NIBAN1: variants seen among roughly 807,000 people sequenced by gnomAD.
NIBAN1 encodes niban apoptosis regulator 1, also known as protein Niban 1.
A neutral mutation model predicts 75.1 loss-of-function variants in NIBAN1; 81 were observed. The ratio of observed to expected loss-of-function variants is 1.08; its 90% CI spans 0.90 to 1.30. The LOEUF is 1.30. NIBAN1 is among the 50% of genes most tolerant of loss of function. The pLI is 0.00. For synonymous variants in NIBAN1, 436 were observed against 424.8 expected (o/e 1.03, Z -0.32); for missense variants, 1,133 against 1,128.1 (o/e 1.00, Z -0.06).
chr1:184,895,937 C>T (rs1418977417), intron 2 of NIBAN1, among the ~76,000 whole-genome samples: 1 of 151,916 alleles, frequency 6.6e-6, no homozygotes, highest in Non-Finnish European at 1.5e-5. Flanking sequence ...GTATATATAC[C>T]ACATTTTTTT....
At chr1:184,905,985 C>G (rs541808108) in intron 1 of NIBAN1, among the ~76,000 whole-genome samples, 20 of 152,182 alleles carry the variant, frequency 1.3e-4, no homozygotes, top group African/African-American at 4.1e-4. Flanking sequence ...TGCCTGTAAT[C>G]CCAGCACTTG....
intron 1 of NIBAN1, among the ~76,000 whole-genome samples, chr1:184,936,299 C>G (rs190430239): frequency 5.9e-5 from 9 of 152,260 alleles, no homozygotes; most frequent in African/African-American, 2.2e-4. Context: ...CAGCAGCAGA[C>G]AGTCTCCCAG....
Position 184,929,295 on chromosome 1 carries a change from G to A in NIBAN1, c.56-29986C>T, listed in dbSNP as rs185491290. 1.8e-4 allele frequency among the ~76,000 whole-genome samples: 28 copies of A among 152,044 alleles called. No individual in the cohort carries two copies. In the East Asian group the frequency reaches 2.5e-3, roughly 14 times the overall value. ...GAGTAAAATTCAATGAGTTTGACAC[G>A]TATTTATAATTGTACAACTACCACA... is the stretch of plus-strand genomic sequence containing the variant. On this transcript the variant is annotated intron_variant, in intron 1 of 13. Coordinates refer to ENST00000367511, the MANE Select transcript of NIBAN1 (RefSeq NM_052966.4).
chr1:184,877,915 T>G (rs901131985), intron 5 of NIBAN1, among the ~76,000 whole-genome samples: 4 of 152,162 alleles, frequency 2.6e-5, no homozygotes, highest in African/African-American at 9.7e-5. Context: ...AAAACAATTT[T>G]TTTTTTTTGC....
chr1:184,805,937 C>T lies in NIBAN1; in HGVS notation c.1446+9G>A, dbSNP rs749963675. 8.1e-6 allele frequency: 13 copies of T among 1,606,520 alleles called. No homozygotes were observed. The highest frequency in any genetic ancestry group is 6.6e-5 in the South Asian group (6 of 90,942). On this transcript the variant is annotated intron_variant, in intron 11 of 13. Transcript: ENST00000367511. ...TTTATGCTTCCCACAAACAAGAGAACGGTTTTACCTTTAAGACTCGGAGTT... is the reference window on the plus strand; with the variant it reads ...TTTATGCTTCCCACAAACAAGAGAATGGTTTTACCTTTAAGACTCGGAGTT...
rs149929274 is a variant in NIBAN1, at chr1:184,823,037, G to A, written c.985+130C>T. The A allele has an allele frequency of 9.3e-4, 986 of 1,065,060 alleles. 8 individuals carry two copies. In the African/African-American group the frequency reaches 0.014, roughly 16 times the overall value. 66.0% of individuals were successfully genotyped at this position (1,065,060 alleles called of 1,614,324 possible). A position where few individuals can be genotyped will look rare whatever the true frequency, so the allele number is the denominator to read the frequency against. On this transcript the variant is annotated intron_variant, in intron 8 of 13. Coordinates refer to ENST00000367511, the MANE Select transcript of NIBAN1 (RefSeq NM_052966.4). ...ATGGTACCTCCAGCATGTTCCTGTT[G>A]CAGCTGTGATCACCTCCTCCCAATT...
intron 1 of NIBAN1, among the ~76,000 whole-genome samples, chr1:184,915,503 G>T (rs1657361652): frequency 6.6e-6 from 1 of 152,182 alleles, no homozygotes; most frequent in African/African-American, 2.4e-5. Flanking sequence ...AGTACTTCTG[G>T]GGTGATGGGG....
At chr1:184,820,950 T>C (rs1456807193) in intron 8 of NIBAN1, among the ~76,000 whole-genome samples, 1 of 152,236 alleles carries the variant, frequency 6.6e-6, no homozygotes, top group Admixed American at 6.5e-5. Flanking sequence ...TATCGTTTTT[T>C]CCAGTCCCCC....
At chr1:184,808,008 G>T in intron 10 of NIBAN1, 66 bp downstream of exon 10, 1 of 1,581,722 alleles carries the variant, frequency 6.3e-7, no homozygotes, top group Non-Finnish European at 8.7e-7. Flanking sequence ...TGGTCTCACT[G>T]GCCAGCACCC....
rs1177090448 is a variant in NIBAN1 at position 184,792,218 on chromosome 1, G to A, written c.*2759C>T. The A allele has an allele frequency of 1.3e-5, 2 of 152,142 alleles. No individual in the cohort carries two copies. The highest frequency in any genetic ancestry group is 4.8e-5 in the African/African-American group (2 of 41,408). 9.4% of individuals were successfully genotyped at this position (152,142 alleles called of 1,614,324 possible). A position where few individuals can be genotyped will look rare whatever the true frequency, so the allele number is the denominator to read the frequency against. On this transcript the variant is annotated 3_prime_UTR_variant, in exon 14 of 14. Coordinates refer to ENST00000367511, the MANE Select transcript of NIBAN1 (RefSeq NM_052966.4). ...AGCCTCCCAAAGTGCTGGGATTATAGGTGTAAGCTACCACATCCAGCCCAA... is the reference window on the plus strand; with the variant it reads ...AGCCTCCCAAAGTGCTGGGATTATAAGTGTAAGCTACCACATCCAGCCCAA...
At chr1:184,880,870 A>T (rs906719854) in intron 5 of NIBAN1, among the ~76,000 whole-genome samples, 15 of 152,294 alleles carry the variant, frequency 9.8e-5, no homozygotes, top group African/African-American at 3.4e-4. Context: ...TCAGAACCAC[A>T]GCCTTCCCTG....
At chr1:184,959,885 C>T (rs1658584991) in intron 1 of NIBAN1, among the ~76,000 whole-genome samples, 1 of 152,204 alleles carries the variant, frequency 6.6e-6, no homozygotes, top group Non-Finnish European at 1.5e-5. Flanking sequence ...AAATCAGAGA[C>T]ACATGATCTT....
chr1:184,952,773 A>G (rs984615726), intron 1 of NIBAN1, among the ~76,000 whole-genome samples: 14 of 152,202 alleles, frequency 9.2e-5, no homozygotes, highest in African/African-American at 3.1e-4. Context: ...CAATCAATTA[A>G]ACAACTTGTT....
intron 12 of NIBAN1, among the ~76,000 whole-genome samples, chr1:184,800,168 G>A (rs1218667686): frequency 4.8e-4 from 72 of 151,498 alleles, no homozygotes; most frequent in African/African-American, 1.6e-3. Context: ...GTCTTCTTTT[G>A]AGAAGTGTCT....
Position 184,816,355 on chromosome 1 carries a change from A to C in NIBAN1, c.1173+2283T>G, listed in dbSNP as rs115657025. 3.0e-3 allele frequency among the ~76,000 whole-genome samples: 451 copies of C among 152,324 alleles called. 4 individuals are homozygous for C. In the East Asian group the frequency reaches 0.038, roughly 13 times the overall value. Reference sequence around the variant, plus strand: ...TGACAAAAGCTGAAAGAAACATGTGACCATGAGGACTCCATAACCTATATG... The same window carrying C: ...TGACAAAAGCTGAAAGAAACATGTGCCCATGAGGACTCCATAACCTATATG... On this transcript the variant is annotated intron_variant, in intron 9 of 13. Transcript: ENST00000367511.
intron 1 of NIBAN1, among the ~76,000 whole-genome samples, chr1:184,918,478 C>T (rs1473032764): frequency 6.6e-6 from 1 of 152,204 alleles, no homozygotes; most frequent in Non-Finnish European, 1.5e-5. Flanking sequence ...TCCAGCTTCT[C>T]CTCTATCCAC....
intron 4 of NIBAN1, among the ~76,000 whole-genome samples, chr1:184,885,611 A>G (rs1656505477): frequency 6.6e-6 from 1 of 152,132 alleles, no homozygotes; most frequent in South Asian, 2.1e-4. Context: ...CAGCTCCAAC[A>G]GGGCAGCTCT....
rs1344353926 is a variant in NIBAN1 at position 184,974,291 on chromosome 1, G to T, written c.55+11C>A. The T allele has an allele frequency of 1.3e-6, 2 of 1,554,790 alleles. No individual in the cohort carries two copies. Among genetic ancestry groups the T allele is most frequent in the East Asian group, 2.4e-5 (1 of 41,294 alleles). On this transcript the variant is annotated intron_variant, in intron 1 of 13. Transcript: ENST00000367511. ...AGGGTGCTCCCCAGGCCCCCGGGCG[G>T]GCGGGCGTACCTCGGATGTAAGCGC...
intron 1 of NIBAN1, among the ~76,000 whole-genome samples, chr1:184,916,332 G>GTAATGC (rs1159752357): frequency 3.9e-5 from 6 of 152,308 alleles, no homozygotes; most frequent in African/African-American, 1.2e-4. Flanking sequence ...TTATTTACAT[G>GTAATGC]TAATGCTAAA....
Sources: allele counts gnomAD v4.1 joint callset (sites outside exome capture counted in the v4.1 genomes callset), GRCh38; gene constraint gnomAD v4.1.1; transcripts MANE v1.5; gene names NCBI Gene and HGNC (gene_info 2026-07-23, HGNC 2026-07-21).